KCNQ3: variants seen among roughly 807,000 people sequenced by gnomAD.
KCNQ3 encodes the protein potassium voltage-gated channel subfamily KQT member 3.
KCNQ3 carries 30 observed loss-of-function variants against 92.5 expected under a neutral mutation model. The observed-to-expected ratio is 0.32, with a 90% confidence interval of 0.24 to 0.44. The LOEUF (loss-of-function observed/expected upper bound fraction) is 0.44, where lower values mean the gene tolerates loss of function less well. Among genes scored for constraint, KCNQ3 ranks in the 20% least tolerant of loss-of-function variants. The pLI is 1.00. For synonymous variants in KCNQ3, 450 were observed against 468.8 expected (o/e 0.96, Z 0.52); for missense variants, 913 against 1,140.3 (o/e 0.80, Z 2.87).
At chr8:132,137,614 C>T (rs1240723209) in intron 12 of KCNQ3, among the ~76,000 whole-genome samples, 1 of 152,184 alleles carries the variant, frequency 6.6e-6, no homozygotes, top group Non-Finnish European at 1.5e-5. Flanking sequence ...TCGAAAGCAT[C>T]ACAGTCAGAA....
intron 1 of KCNQ3, among the ~76,000 whole-genome samples, chr8:132,210,174 G>T (rs1813805735): frequency 6.6e-6 from 1 of 152,186 alleles, no homozygotes; most frequent in African/African-American, 2.4e-5. Context: ...TCTGGGTGGG[G>T]CCCATGCTGG....
rs374282153 is a variant in KCNQ3 at position 132,189,593 on chromosome 8, G to A, written c.387-3412C>T. ...TGTAATCCCAGCACTTTGGGAGGCT[G>A]AAGCAGGTGGATCGCCTGAGGTCGG... On this transcript the variant is annotated intron_variant, in intron 1 of 14. Coordinates refer to ENST00000388996, the MANE Select transcript of KCNQ3 (RefSeq NM_004519.4). Among the ~76,000 whole-genome samples, 169 of 152,278 alleles carry A rather than the reference G, an allele frequency of 1.1e-3. 1 individual carries two copies. The South Asian group carries it at 0.034, about 30-fold the overall frequency.
chr8:132,154,540 G>C (rs746160658), intron 9 of KCNQ3, among the ~76,000 whole-genome samples: 20 of 152,136 alleles, frequency 1.3e-4, no homozygotes, highest in Non-Finnish European at 2.5e-4. Context: ...ATGGCAGTTA[G>C]ATGTACTTCT....
intron 1 of KCNQ3, among the ~76,000 whole-genome samples, chr8:132,476,426 G>T (rs1391643751): frequency 6.6e-6 from 1 of 152,242 alleles, no homozygotes; most frequent in African/African-American, 2.4e-5. Context: ...AGCCACAGGA[G>T]TTGAACCCTG....
chr8:132,157,951 C>T (rs1396692547), intron 9 of KCNQ3, among the ~76,000 whole-genome samples: 1 of 152,052 alleles, frequency 6.6e-6, no homozygotes, highest in East Asian at 1.9e-4. Context: ...TGTTTTAATC[C>T]TTTGACTTCT....
intron 1 of KCNQ3, among the ~76,000 whole-genome samples, chr8:132,391,512 C>A (rs1022854342): frequency 2.0e-5 from 3 of 152,002 alleles, no homozygotes; most frequent in Non-Finnish European, 4.4e-5. Context: ...ATGGCACTGA[C>A]AAAACAAATT....
intron 1 of KCNQ3, among the ~76,000 whole-genome samples, chr8:132,190,288 T>C (rs1356374539): frequency 1.3e-5 from 2 of 152,144 alleles, no homozygotes; most frequent in East Asian, 1.9e-4. Context: ...CTTTTCTGAG[T>C]GCAAGCAGAA....
At chr8:132,419,018 A>ATC (rs1267619777) in intron 1 of KCNQ3, among the ~76,000 whole-genome samples, 1 of 152,196 alleles carries the variant, frequency 6.6e-6, no homozygotes, top group Non-Finnish European at 1.5e-5. Flanking sequence ...ACCATAAGAT[A>ATC]CACAAAGATG....
At chr8:132,141,059 G>C in intron 10 of KCNQ3, 70 bp downstream of exon 10, 6 of 1,399,640 alleles carry the variant, frequency 4.3e-6, no homozygotes, top group Non-Finnish European at 6.1e-6. Flanking sequence ...CAAAGGGAGA[G>C]GTGAGGAAGG....
intron 1 of KCNQ3, among the ~76,000 whole-genome samples, chr8:132,208,796 G>A (rs1251547105): frequency 3.3e-5 from 5 of 152,260 alleles, no homozygotes; most frequent in Admixed American, 3.3e-4. Flanking sequence ...GATGTTGGGT[G>A]GGAGAAACAA....
At chr8:132,420,990 C>T (rs1199201740) in intron 1 of KCNQ3, among the ~76,000 whole-genome samples, 6 of 152,108 alleles carry the variant, frequency 3.9e-5, no homozygotes, top group African/African-American at 1.4e-4. Flanking sequence ...CCAAAGTAAA[C>T]ATGATTTGAA....
At chr8:132,345,402 G>A (rs1818657728) in intron 1 of KCNQ3, among the ~76,000 whole-genome samples, 2 of 152,240 alleles carry the variant, frequency 1.3e-5, no homozygotes, top group African/African-American at 4.8e-5. Context: ...CTGGTAGGTA[G>A]TGAGAGCCTA....
intron 1 of KCNQ3, among the ~76,000 whole-genome samples, chr8:132,217,006 T>C (rs564541617): frequency 6.6e-6 from 1 of 152,286 alleles, no homozygotes; most frequent in South Asian, 2.1e-4. Flanking sequence ...AGGCAATAAA[T>C]GCTCAAAACT....
At chr8:132,388,897 T>A (rs1216775169) in intron 1 of KCNQ3, among the ~76,000 whole-genome samples, 1 of 152,188 alleles carries the variant, frequency 6.6e-6, no homozygotes, top group Non-Finnish European at 1.5e-5. Flanking sequence ...CATTCTATGA[T>A]TTGGAGTATA....
At chr8:132,414,950 G>A (rs1286954185) in intron 1 of KCNQ3, among the ~76,000 whole-genome samples, 1 of 152,208 alleles carries the variant, frequency 6.6e-6, no homozygotes, top group African/African-American at 2.4e-5. Flanking sequence ...TTAGGGCTCC[G>A]AGCCCCAGAC....
chr8:132,314,690 G>A (rs1434711209), intron 1 of KCNQ3, among the ~76,000 whole-genome samples: 1 of 152,238 alleles, frequency 6.6e-6, no homozygotes. Context: ...GAAGGTAGCA[G>A]CACTAATGGG....
At chr8:132,382,171 A>G (rs2130756468) in intron 1 of KCNQ3, among the ~76,000 whole-genome samples, 1 of 152,300 alleles carries the variant, frequency 6.6e-6, no homozygotes, top group South Asian at 2.1e-4. Context: ...GCATGCTGAC[A>G]TGGTCTGGAT....
chr8:132,480,447 G>A lies in KCNQ3; in HGVS notation c.86C>T (p.Ala29Val), dbSNP rs1227699672. The stretch of plus-strand genomic sequence containing the variant: ...GCCGGCCGCCGCCGCGTCCCCTCCG[G>A]CTGGGTTAGCCGCCCCGCCGCCTCC... ...GGGGGGAANP[A>V]GGDAAAAGDE... The change falls in exon 1 of 15, where the codon GCC becomes GTC. Residue 29 changes from alanine (A) to valine (V), a missense_variant. Coordinates refer to ENST00000388996, the MANE Select transcript of KCNQ3 (RefSeq NM_004519.4). The A allele has an allele frequency of 1.4e-6, 2 of 1,384,776 alleles. No individual in the cohort carries two copies. Among genetic ancestry groups the A allele is most frequent in the Non-Finnish European group, 1.9e-6 (2 of 1,070,154 alleles). The allele number at this position is 1,384,776 out of a possible 1,614,324, so 85.8% of individuals were successfully genotyped here. A position where few individuals can be genotyped will look rare whatever the true frequency, so the allele number is the denominator to read the frequency against.
At chr8:132,187,837 GTGGTGGTGGTGGTAGTGA>G (rs1563795764) in intron 1 of KCNQ3, among the ~76,000 whole-genome samples, 11 of 122,212 alleles carry the variant, frequency 9.0e-5, no homozygotes, top group Non-Finnish European at 1.0e-4. Flanking sequence ...GGTGATTGTG[GTGGTGGTGGTGGTAGTGA>G]TGGTGGTGGT....
Sources: allele counts gnomAD v4.1 joint callset (sites outside exome capture counted in the v4.1 genomes callset), GRCh38; gene constraint gnomAD v4.1.1; transcripts MANE v1.5; gene names NCBI Gene and HGNC (gene_info 2026-07-23, HGNC 2026-07-21).